Variants in RRM2 observed in about 807,000 individuals in gnomAD.
RRM2 encodes the protein ribonucleoside-diphosphate reductase subunit M2.
RRM2 carries 6 observed loss-of-function variants against 45.9 expected under a neutral mutation model. That is an observed-to-expected ratio of 0.13 (90% confidence interval 0.07 to 0.26). The LOEUF (loss-of-function observed/expected upper bound fraction) is 0.26. Among genes scored for constraint, RRM2 ranks in the 10% least tolerant of loss-of-function variants. The pLI is 1.00. For missense variants in RRM2, 343 were observed against 489.5 expected (o/e 0.70, Z 2.82); for synonymous variants, 177 against 173.0 (o/e 1.02, Z -0.18).
intron 3 of RRM2, among the ~76,000 whole-genome samples, chr2:10,193,159 C>G (rs1664346085): frequency 6.6e-6 from 1 of 152,142 alleles, no homozygotes; most frequent in Non-Finnish European, 1.5e-5. Context: ...CGGTTCCTTG[C>G]TTTTTCTACC....
intron 3 of RRM2, among the ~76,000 whole-genome samples, chr2:10,157,184 G>A (rs12464630): frequency 0.011 from 1,710 of 151,782 alleles, 24 homozygotes; most frequent in East Asian, 0.04. Context: ...GCCCGCCACC[G>A]CGCCCGGCTA....
intron 3 of RRM2, among the ~76,000 whole-genome samples, chr2:10,203,676 G>A (rs547187178): frequency 3.9e-4 from 59 of 152,210 alleles, no homozygotes; most frequent in African/African-American, 1.3e-3. Flanking sequence ...ACTTGAACCC[G>A]GGAGGCGGAG....
At chr2:10,180,827 C>A (rs951846863) in intron 3 of RRM2, among the ~76,000 whole-genome samples, 7 of 152,104 alleles carry the variant, frequency 4.6e-5, no homozygotes, top group Non-Finnish European at 1.0e-4. Flanking sequence ...AGTGCAGTGG[C>A]ATGATTATGG....
rs748332244 is a variant in RRM2 at position 10,122,772 on chromosome 2, C to T, written c.-27C>T. 24 of 1,566,798 alleles carry T rather than the reference C, an allele frequency of 1.5e-5. No homozygotes were observed. Among genetic ancestry groups the T allele is most frequent in the South Asian group, 8.2e-5 (7 of 85,220 alleles). On this transcript the variant is annotated 5_prime_UTR_variant, in exon 1 of 10. Coordinates refer to ENST00000304567, the MANE Select transcript of RRM2 (RefSeq NM_001034.4). The stretch of plus-strand genomic sequence containing the variant: ...TGTCCCAGCCGTCCTGTCCTGGCTG[C>T]TCGCTCTGCTTCGCTGCGCCTCCAC...
chr2:10,123,381 CA>C lies in RRM2; in HGVS notation c.175-4del. On this transcript the variant is annotated splice_region_variant and splice_polypyrimidine_tract_variant and intron_variant, in intron 2 of 9. Transcript: ENST00000304567. Reference sequence around the variant, plus strand: ...TACTTAAATGTTTTATTTTCTCCCCCAACAGAAAACTAAAGCAGCTGCCCCC... The same window carrying C: ...TACTTAAATGTTTTATTTTCTCCCCCACAGAAAACTAAAGCAGCTGCCCCC... The C allele has an allele frequency of 6.2e-7, 1 of 1,600,822 alleles. No individual in the cohort carries two copies. The highest frequency in any genetic ancestry group is 8.5e-7 in the Non-Finnish European group (1 of 1,176,354).
At chr2:10,128,805 C>A in intron 7 of RRM2, 43 bp from the exon 8 acceptor site, 1 of 1,329,214 alleles carries the variant, frequency 7.5e-7, no homozygotes, top group Non-Finnish European at 1.1e-6. Context: ...ATGTTAATGA[C>A]AGAAGTCTTC....
chr2:10,209,509 G>A (rs146230606), intron 3 of RRM2, among the ~76,000 whole-genome samples: 1 of 152,124 alleles, frequency 6.6e-6, no homozygotes, highest in Non-Finnish European at 1.5e-5. Flanking sequence ...TGGAATATTT[G>A]TCTGGAAAAC....
chr2:10,122,932 G>T, intron 1 of RRM2, 35 bp downstream of exon 1: 2 of 1,551,152 alleles, frequency 1.3e-6, no homozygotes, highest in African/African-American at 1.4e-5. Context: ...GGGCAGGGGA[G>T]GGAGGCAGGG....
chr2:10,144,082 C>A (rs1020694412), intron 3 of RRM2, among the ~76,000 whole-genome samples: 6 of 152,232 alleles, frequency 3.9e-5, no homozygotes, highest in African/African-American at 1.4e-4. Context: ...ACGCACAGCG[C>A]CTGTTGGGGA....
At position 10,127,890 on chromosome 2, in the gene RRM2, G is replaced by A. The variant is rs1420515209; in HGVS notation, c.798+670G>A. Among the ~76,000 whole-genome samples, 1 of 152,104 alleles carries A rather than the reference G, an allele frequency of 6.6e-6. No individual in the cohort carries two copies. The highest frequency in any genetic ancestry group is 2.4e-5 in the African/African-American group (1 of 41,430). On this transcript the variant is annotated intron_variant, in intron 7 of 9. Transcript: ENST00000304567. This position sits in a 1 kb window ranked among gnomAD's most constrained non-coding sequence, Gnocchi z 4.1. Reference sequence around the variant, plus strand: ...CGTAAAAATGTTCATAGTAGAGCCAGGAGCGGTGGCTCATGCCTGTAATCC... The same window carrying A: ...CGTAAAAATGTTCATAGTAGAGCCAAGAGCGGTGGCTCATGCCTGTAATCC...
chr2:10,199,676 A>G (rs1190724583), intron 3 of RRM2, among the ~76,000 whole-genome samples: 2 of 150,396 alleles, frequency 1.3e-5, no homozygotes, highest in African/African-American at 2.4e-5. Context: ...GCTACTCGGG[A>G]GGCTGAGGCG....
intron 3 of RRM2, among the ~76,000 whole-genome samples, chr2:10,203,760 A>ATAC (rs1572537350): frequency 2.0e-5 from 3 of 150,148 alleles, no homozygotes; most frequent in East Asian, 2.0e-4. Flanking sequence ...CACAAAAATA[A>ATAC]ATACATACAT....
chr2:10,210,564 AC>A (rs1177971023), exon 4 of RRM2: 28 of 1,366,218 alleles, frequency 2.0e-5, no homozygotes, highest in Non-Finnish European at 2.6e-5. Context: ...GAGCAGGTGG[AC>A]CCACCATTCT....
At chr2:10,190,377 T>TAATG (rs1664268534) in intron 3 of RRM2, among the ~76,000 whole-genome samples, 3 of 91,370 alleles carry the variant, frequency 3.3e-5, no homozygotes, top group Admixed American at 1.1e-4. Flanking sequence ...AGTGTGATGA[T>TAATG]GTGGTGATGG....
At chr2:10,151,407 C>T (rs1436406810) in intron 3 of RRM2, among the ~76,000 whole-genome samples, 1 of 151,710 alleles carries the variant, frequency 6.6e-6, no homozygotes, top group Admixed American at 6.6e-5. Flanking sequence ...AAGCGATTCT[C>T]CTGCTTCAGC....
intron 3 of RRM2, among the ~76,000 whole-genome samples, chr2:10,147,041 C>T (rs935645194): frequency 2.5e-4 from 38 of 152,108 alleles, no homozygotes; most frequent in African/African-American, 8.7e-4. Context: ...CAACCTCTGC[C>T]TCCCGGGTTC....
intron 3 of RRM2, among the ~76,000 whole-genome samples, chr2:10,160,305 G>A (rs1010376972): frequency 6.6e-6 from 1 of 152,192 alleles, no homozygotes; most frequent in Admixed American, 6.5e-5. Flanking sequence ...CTCACTCCCT[G>A]ACAAGATGTG....
chr2:10,176,848 C>T (rs1301619559), intron 3 of RRM2, among the ~76,000 whole-genome samples: 1 of 152,178 alleles, frequency 6.6e-6, no homozygotes, highest in African/African-American at 2.4e-5. Context: ...TCATAGGCAC[C>T]TGTTTCTCCT....
At chr2:10,159,043 T>C (rs1663497129) in intron 3 of RRM2, among the ~76,000 whole-genome samples, 1 of 151,716 alleles carries the variant, frequency 6.6e-6, no homozygotes, top group Non-Finnish European at 1.5e-5. Context: ...TATATCACAC[T>C]CTCTTGTCAA....
Sources: gnomAD v4.1 joint callset for allele counts (sites outside exome capture counted in the v4.1 genomes callset) on GRCh38, gnomAD v4.1.1 for gene constraint, Gnocchi (gnomAD v3.1) non-coding constraint, MANE v1.5 for transcripts, NCBI Gene and HGNC (gene_info 2026-07-23, HGNC 2026-07-21) for gene names.